The following AADAC variants were observed in gnomAD, a reference collection of about 807,000 sequenced individuals.
The protein encoded by AADAC is arylacetamide deacetylase (esterase).
In AADAC, 17 loss-of-function variants were observed where a neutral mutation model predicts 22.7. That is an observed-to-expected ratio of 0.75 (90% CI 0.51 to 1.12). The LOEUF is 1.12. Ranked by LOEUF, AADAC falls within the 50% of genes most tolerant of loss-of-function variation. The pLI is 0.00. For synonymous variants in AADAC, 167 were observed against 176.3 expected (o/e 0.95, Z 0.42); for missense variants, 465 against 473.9 (o/e 0.98, Z 0.17).
intron 4 of AADAC, 161 bp downstream of exon 4, chr3:151,824,995 A>T: frequency 1.9e-6 from 1 of 525,222 alleles, no homozygotes; most frequent in Non-Finnish European, 3.0e-6. Context: ...AATGACTAAA[A>T]CATTATAATA....
chr3:151,824,046 T>C (rs1447786850), intron 3 of AADAC, among the ~76,000 whole-genome samples: 1 of 151,996 alleles, frequency 6.6e-6, no homozygotes, highest in Non-Finnish European at 1.5e-5. Context: ...ACTGAAACTT[T>C]ATGCCAGCTG....
At chr3:151,817,636 C>T (rs937254571) in intron 2 of AADAC, 48 bp downstream of exon 2, 4 of 1,520,996 alleles carry the variant, frequency 2.6e-6, no homozygotes, top group Admixed American at 1.7e-5. Context: ...AGTTCGCAGA[C>T]ATTTTACTAA....
At chr3:151,824,928 T>G (rs1433421327) in intron 4 of AADAC, 94 bp downstream of exon 4, 2 of 1,010,996 alleles carry the variant, frequency 2.0e-6, no homozygotes, top group African/African-American at 1.7e-5. Flanking sequence ...TATTAAAATA[T>G]GAATGCAAAT....
In AADAC at chr3:151,814,253, T is replaced by C. The variant is rs751320452; in HGVS notation, c.91T>C (p.Trp31Arg). 1.9e-6 allele frequency: 3 copies of C among 1,613,368 alleles called. No homozygotes were observed. The highest frequency in any genetic ancestry group is 1.1e-5 in the South Asian group (1 of 91,058). ...TCTCCCAGATAACGTTGAGGAGCCA[T>C]GGAGAATGATGTGGATAAACGCACA... Reference protein sequence around the residue: ...TPLPDNVEEPWRMMWINAHLK... With the variant: ...TPLPDNVEEPRRMMWINAHLK... The change falls in exon 1 of 5, where the codon TGG (tryptophan) becomes CGG (arginine). Residue 31 changes from tryptophan to arginine, a missense_variant. Transcript: ENST00000232892.
chr3:151,827,876 T>C lies in AADAC; in HGVS notation c.904T>C (p.Tyr302His). 2 of 1,612,702 alleles carry C rather than the reference T, an allele frequency of 1.2e-6. No homozygotes were observed. Among genetic ancestry groups the C allele is most frequent in the African/African-American group, 1.3e-5 (1 of 74,934 alleles). ...AGGACATGTTTATAACAATCCAAAT[T>C]ATGGCAGTTCTGAGCTGGCTAAAAA... Reference protein sequence around the residue: ...IKGHVYNNPNYGSSELAKKYP... With the variant: ...IKGHVYNNPNHGSSELAKKYP... Residue 302 changes from tyrosine to histidine, a missense_variant, in exon 5 of 5, where the codon TAT becomes CAT. Physicochemically the swap from Tyr to His is moderately conservative, Grantham distance 83. Coordinates refer to ENST00000232892, the MANE Select transcript of AADAC (RefSeq NM_001086.3).
In AADAC at chr3:151,814,435, T is replaced by C. The variant is rs1715896188; in HGVS notation, c.138+135T>C. ...AAATAACTGCTGTGGCCTTTGACAA[T>C]GTGTTACTTAGAAATGTTGTTTGTT... On this transcript the variant is annotated intron_variant, in intron 1 of 4. Coordinates refer to ENST00000232892, the MANE Select transcript of AADAC (RefSeq NM_001086.3). 3.1e-6 allele frequency: 3 copies of C among 956,310 alleles called. No individual in the cohort carries two copies. The African/African-American group carries it at 5.0e-5, about 16-fold the overall frequency. 59.2% of individuals were successfully genotyped at this position (956,310 alleles called of 1,614,324 possible).
rs551867165 is a variant in AADAC, at chr3:151,818,173, G to A, written c.361+585G>A. Among the ~76,000 whole-genome samples the A allele has an allele frequency of 2.0e-5, 3 of 151,290 alleles. No homozygotes were observed. The East Asian group carries it at 5.8e-4, about 29-fold the overall frequency. On this transcript the variant is annotated intron_variant, in intron 2 of 4. Transcript: ENST00000232892. ...GGATAATCACTTGAACCCAGGAGGC[G>A]GAGGTCGCAGTGAGCCAAGATTGCA...
chr3:151,823,061 T>C (rs888410287), intron 3 of AADAC, among the ~76,000 whole-genome samples: 22 of 151,874 alleles, frequency 1.4e-4, no homozygotes, highest in Admixed American at 1.4e-3. Flanking sequence ...AGGTGGATCA[T>C]GAGATCAGGA....
At chr3:151,819,356 T>C (rs1021431715) in intron 2 of AADAC, among the ~76,000 whole-genome samples, 6 of 151,992 alleles carry the variant, frequency 3.9e-5, no homozygotes, top group African/African-American at 1.4e-4. Context: ...AGTATGTCTC[T>C]TGGATGTTGA....
At position 151,827,587 on chromosome 3, in the gene AADAC, C is replaced by A. The variant is rs911921175; in HGVS notation, c.615C>A (p.Asp205Glu). Residue 205 changes from aspartate to glutamate, a missense_variant, in exon 5 of 5, where the codon GAC becomes GAA. By Grantham distance (45) the Asp-to-Glu change is conservative. Transcript: ENST00000232892. ...ATCTTGCTTCTCAGCTCCTTGATGA[C>A]CCAGATGTCAAGATCAAACTCAAGA... ...AAAVTQQLLD[D>E]PDVKIKLKIQ... 1 of 1,561,956 alleles carries A rather than the reference C, an allele frequency of 6.4e-7. No homozygotes were observed. The highest frequency in any genetic ancestry group is 8.7e-7 in the Non-Finnish European group (1 of 1,153,778).
chr3:151,826,489 T>C (rs1020933780), intron 4 of AADAC, among the ~76,000 whole-genome samples: 3 of 151,938 alleles, frequency 2.0e-5, no homozygotes, highest in African/African-American at 7.2e-5. Context: ...ATTTTGATAA[T>C]TATAGTTAAA....
Position 151,814,319 on chromosome 3 carries a change from G to T in AADAC, c.138+19G>T. On this transcript the variant is annotated intron_variant, in intron 1 of 4. Coordinates refer to ENST00000232892, the MANE Select transcript of AADAC (RefSeq NM_001086.3). ...AAATTTGGTAAGTTTGGAATTTTAT[G>T]AATTCAGATGTGCATACACCACCAT... 6.2e-7 allele frequency: 1 copy of T among 1,605,020 alleles called. No homozygotes were observed. Among genetic ancestry groups the T allele is most frequent in the Non-Finnish European group, 8.5e-7 (1 of 1,175,162 alleles).
At chr3:151,821,287 T>C (rs1404845480) in intron 3 of AADAC, among the ~76,000 whole-genome samples, 2 of 152,042 alleles carry the variant, frequency 1.3e-5, no homozygotes, top group Admixed American at 6.6e-5. Flanking sequence ...ACAAGTGTTA[T>C]ACACTGCGCT....
At chr3:151,820,494 A>C in intron 3 of AADAC, 42 bp downstream of exon 3, 1 of 1,171,948 alleles carries the variant, frequency 8.5e-7, no homozygotes. Context: ...GATGTCTGAC[A>C]TGCCAAGATT....
At chr3:151,817,693 T>C (rs1449040223) in intron 2 of AADAC, 105 bp downstream of exon 2, 3 of 964,816 alleles carry the variant, frequency 3.1e-6, no homozygotes, top group African/African-American at 1.6e-5. Context: ...TTACTGCCTC[T>C]TTTATCTTCT....
At chr3:151,823,275 CT>C (rs145704345) in intron 3 of AADAC, among the ~76,000 whole-genome samples, 24,345 of 150,226 alleles carry the variant, frequency 0.16, 2,204 homozygotes, top group African/African-American at 0.2. Context: ...TAGACTCTGT[CT>C]CCCCGCAAAA....
At chr3:151,823,868 A>ATT (rs5853544) in intron 3 of AADAC, among the ~76,000 whole-genome samples, 1 of 151,730 alleles carries the variant, frequency 6.6e-6, no homozygotes, top group African/African-American at 2.4e-5. Flanking sequence ...TCCCCATAAC[A>ATT]TTTTTTTACT....
At chr3:151,815,793 T>C (rs1715959198) in intron 1 of AADAC, among the ~76,000 whole-genome samples, 1 of 151,968 alleles carries the variant, frequency 6.6e-6, no homozygotes, top group Non-Finnish European at 1.5e-5. Flanking sequence ...TATCTGCTTG[T>C]TTGTTTGCTT....
chr3:151,824,106 T>C (rs1484495127), intron 3 of AADAC, among the ~76,000 whole-genome samples: 2 of 151,982 alleles, frequency 1.3e-5, no homozygotes, highest in African/African-American at 2.4e-5. Context: ...AACCATCTTT[T>C]CACTCTGATT....
Sources: gnomAD v4.1 joint callset for allele counts (sites outside exome capture counted in the v4.1 genomes callset) on GRCh38, gnomAD v4.1.1 for gene constraint, MANE v1.5 for transcripts, NCBI Gene and HGNC (gene_info 2026-07-23, HGNC 2026-07-21) for gene names.